MBD3L4: variants seen among roughly 807,000 people sequenced by gnomAD.
The protein encoded by MBD3L4 is methyl-CpG binding domain protein 3 like 4.
At position 7,037,886 on chromosome 19, in the gene MBD3L4, T is replaced by G. The variant is rs1305842599; in HGVS notation, c.602A>C (p.Gln201Pro). Reference sequence around the variant, plus strand: ...TCATCTACATGTCAGCATTTCTGCCTGCCTGGCCAGCCTGTCTGCCTGCAA... The same window carrying G: ...TCATCTACATGTCAGCATTTCTGCCGGCCTGGCCAGCCTGTCTGCCTGCAA... ...KALQADRLAR[Q>P]AEMLTCR is the part of the protein sequence containing the mutation. Residue 201 changes from glutamine (Q) to proline (P), a missense_variant, in exon 2 of 2, where the codon CAG (glutamine) becomes CCG (proline). Transcript: ENST00000381394. 3.5e-6 allele frequency: 2 copies of G among 567,666 alleles called. No homozygotes were observed. Among genetic ancestry groups the G allele is most frequent in the African/African-American group, 5.4e-5 (2 of 36,814 alleles). 35.2% of individuals were successfully genotyped at this position (567,666 alleles called of 1,614,324 possible).
intron 1 of MBD3L4, 27 bp from the exon 2 acceptor site, chr19:7,038,469 T>G (rs2145136900): frequency 6.2e-6 from 1 of 160,652 alleles, no homozygotes; most frequent in Non-Finnish European, 1.0e-5. Flanking sequence ...AAAGAAAATG[T>G]GAAATTTCAA....
At chr19:7,039,888 T>TA (rs1287110036) in intron 1 of MBD3L4, among the ~76,000 whole-genome samples, 1 of 25,298 alleles carries the variant, frequency 4.0e-5, no homozygotes, top group Admixed American at 5.7e-4. Flanking sequence ...GTTGGATTTT[T>TA]AAAAAAAAAT....
intron 1 of MBD3L4, among the ~76,000 whole-genome samples, chr19:7,039,753 A>AT (rs532165286): frequency 0.3 from 6,324 of 21,364 alleles, 73 homozygotes; most frequent in South Asian, 0.42. Context: ...CAGAGAACTA[A>AT]TTTTTTTTGT....
chr19:7,038,141 C>T lies in MBD3L4; in HGVS notation c.347G>A (p.Ser116Asn), dbSNP rs1976956282. The T allele has an allele frequency of 3.4e-6, 1 of 291,724 alleles. No individual in the cohort carries two copies. Among genetic ancestry groups the T allele is most frequent in the Non-Finnish European group, 5.7e-6 (1 of 174,892 alleles). 18.1% of individuals were successfully genotyped at this position (291,724 alleles called of 1,614,324 possible). ...SSPLHLESVL[S>N]ILAPGTAGES... ...ACCGGCCGTCCCCGGTGCAAGGATA[C>T]TTAAGACGCTCTCCAAATGCAGTGG... Residue 116 changes from serine (S) to asparagine (N), a missense_variant, in exon 2 of 2, where the codon AGT becomes AAT. By Grantham distance (46) the Ser-to-Asn change is conservative. Coordinates refer to ENST00000381394, the MANE Select transcript of MBD3L4 (RefSeq NM_001164419.3).
Position 7,037,836 on chromosome 19 carries a change from G to C in MBD3L4, c.*25C>G, listed in dbSNP as rs1976951983. 3 of 531,866 alleles carry C rather than the reference G, an allele frequency of 5.6e-6. No individual in the cohort carries two copies. Among genetic ancestry groups the C allele is most frequent in the Admixed American group, 6.6e-5 (2 of 30,110 alleles). 32.9% of individuals were successfully genotyped at this position (531,866 alleles called of 1,614,324 possible). On this transcript the variant is annotated 3_prime_UTR_variant, in exon 2 of 2. Transcript: ENST00000381394. ...GAATGAGGATGGGCATTAAAAGAAA[G>C]GGACCGAAAGCCCAGGACTGCGCTT...
Position 7,040,122 on chromosome 19 carries a change from G to GAGGTGAACGCAGGCTCTCCCAT in MBD3L4, c.1_22dup (p.Ser8TyrfsTer69). ...CACCAGAACAGGTGGGCTCGGAAAA[G>GAGGTGAACGCAGGCTCTCCCAT]AGGTGAACGCAGGCTCTCCCATAGC... On this transcript the variant is annotated frameshift_variant, in exon 1 of 2. Transcript: ENST00000381394. LOFTEE classifies it low-confidence loss of function (END_TRUNC). The GAGGTGAACGCAGGCTCTCCCAT allele has an allele frequency of 2.4e-6, 1 of 410,546 alleles. No homozygotes were observed. Among genetic ancestry groups the GAGGTGAACGCAGGCTCTCCCAT allele is most frequent in the Middle Eastern group, 6.1e-4 (1 of 1,640 alleles). The allele number at this position is 410,546 out of a possible 1,614,324, so 25.4% of individuals were successfully genotyped here. A position where few individuals can be genotyped will look rare whatever the true frequency, so the allele number is the denominator to read the frequency against.
chr19:7,040,154 GT>G lies in MBD3L4; in HGVS notation c.-11del. On this transcript the variant is annotated 5_prime_UTR_variant, in exon 1 of 2. Transcript: ENST00000381394. ...ACGCAGGCTCTCCCATAGCCGTAGA[GT>G]TTCTCTTGCTGACCCCACTCTTGAG... The G allele has an allele frequency of 2.4e-6, 1 of 419,352 alleles. No individual in the cohort carries two copies. The highest frequency in any genetic ancestry group is 4.6e-6 in the Non-Finnish European group (1 of 218,906). The allele number at this position is 419,352 out of a possible 1,614,324, so 26.0% of individuals were successfully genotyped here.
At chr19:7,039,755 T>TTTTTTTTG (rs1452138810) in intron 1 of MBD3L4, among the ~76,000 whole-genome samples, 1 of 25,506 alleles carries the variant, frequency 3.9e-5, no homozygotes. Flanking sequence ...GAGAACTAAT[T>TTTTTTTTG]TTTTTTGTTT....
chr19:7,040,000 C>G (rs1976961428), intron 1 of MBD3L4, 100 bp downstream of exon 1: 3 of 603,972 alleles, frequency 5.0e-6, no homozygotes, highest in Non-Finnish European at 9.4e-6. Context: ...CCACAACATC[C>G]AGTTTTAAGA....
At position 7,037,785 on chromosome 19, in the gene MBD3L4, G is replaced by A. The variant is rs943921033; in HGVS notation, c.*76C>T. 2.7e-6 allele frequency: 1 copy of A among 375,638 alleles called. No individual in the cohort carries two copies. The highest frequency in any genetic ancestry group is 4.7e-6 in the Non-Finnish European group (1 of 214,096). The allele number at this position is 375,638 out of a possible 1,614,324, so 23.3% of individuals were successfully genotyped here. A position where few individuals can be genotyped will look rare whatever the true frequency, so the allele number is the denominator to read the frequency against. ...CTTTTATTAAAGAACTGGTGGGGAA[G>A]GGAAAAGTGTGACAATTCAGAGTAG... On this transcript the variant is annotated 3_prime_UTR_variant, in exon 2 of 2. Transcript: ENST00000381394.
intron 1 of MBD3L4, 107 bp downstream of exon 1, chr19:7,039,992 AC>A: frequency 1.7e-6 from 1 of 604,686 alleles, no homozygotes; most frequent in Non-Finnish European, 3.1e-6. Flanking sequence ...ATCACTTTCC[AC>A]AACATCCAGT....
chr19:7,038,439 TC>T lies in MBD3L4; in HGVS notation c.48del (p.Lys17SerfsTer6). On this transcript the variant is annotated frameshift_variant and splice_region_variant, in exon 2 of 2. Coordinates refer to ENST00000381394, the MANE Select transcript of MBD3L4 (RefSeq NM_001164419.3). LOFTEE classifies it low-confidence loss of function (END_TRUNC). ...CAGGGCATCATGTTTCTTTTGAGCT[TC>T]CCCTTTCAAAAGAAAAGAAAAGAAA... is the stretch of plus-strand genomic sequence containing the variant. ...FTSFPSPPVL[G>X]KLKRNMMPWA... is the part of the protein sequence containing the mutation. 21 of 127,922 alleles carry T rather than the reference TC, an allele frequency of 1.6e-4. No individual in the cohort carries two copies. The East Asian group carries it at 3.0e-3, about 19-fold the overall frequency. The allele number at this position is 127,922 out of a possible 1,614,324, so 7.9% of individuals were successfully genotyped here.
intron 1 of MBD3L4, 21 bp downstream of exon 1, chr19:7,040,079 C>G (rs1199408346): frequency 5.3e-6 from 3 of 562,650 alleles, no homozygotes; most frequent in Non-Finnish European, 6.7e-6. Context: ...TTCCTGTAAT[C>G]AATAAATATC....
Position 7,038,037 on chromosome 19 carries a change from CT to C in MBD3L4, c.450del (p.Pro153GlnfsTer18), listed in dbSNP as rs1434055832. 2 of 156,074 alleles carry C rather than the reference CT, an allele frequency of 1.3e-5. 1 individual carries two copies. Among genetic ancestry groups the C allele is most frequent in the Non-Finnish European group, 2.0e-5 (2 of 102,244 alleles). The allele number at this position is 156,074 out of a possible 1,614,324, so 9.7% of individuals were successfully genotyped here. ...EPTPGRFPAV[A>X]GGPTPGMGCQ... ...CAACCCATTCCTGGGGTTGGCCCCC[CT>C]GCCACAGCTGGAAACCGCCCAGGGG... On this transcript the variant is annotated frameshift_variant, in exon 2 of 2. Coordinates refer to ENST00000381394, the MANE Select transcript of MBD3L4 (RefSeq NM_001164419.3). LOFTEE classifies it low-confidence loss of function (END_TRUNC).
Position 7,037,767 on chromosome 19 carries a change from T to TAA in MBD3L4, c.*92_*93dup. The TAA allele has an allele frequency of 3.0e-6, 1 of 337,758 alleles. No homozygotes were observed. The highest frequency in any genetic ancestry group is 6.8e-5 in the East Asian group (1 of 14,792). The allele number at this position is 337,758 out of a possible 1,614,324, so 20.9% of individuals were successfully genotyped here. A position where few individuals can be genotyped will look rare whatever the true frequency, so the allele number is the denominator to read the frequency against. On this transcript the variant is annotated 3_prime_UTR_variant, in exon 2 of 2. Transcript: ENST00000381394. ...CCTGTTGCCTTTCAAATACTTTTAT[T>TAA]AAAGAACTGGTGGGGAAGGGAAAAG...
At chr19:7,040,034 CTG>C (rs1216133447) in intron 1 of MBD3L4, 64 bp downstream of exon 1, 38 of 599,382 alleles carry the variant, frequency 6.3e-5, no homozygotes, top group Admixed American at 3.8e-4. Context: ...AACTGTAAAG[CTG>C]TCTTACAGAA....
rs1480725235 is a variant in MBD3L4 at position 7,037,855 on chromosome 19, T to C, written c.*6A>G. The C allele has an allele frequency of 1.8e-6, 1 of 569,260 alleles. No individual in the cohort carries two copies. Among genetic ancestry groups the C allele is most frequent in the African/African-American group, 2.6e-5 (1 of 38,354 alleles). 35.3% of individuals were successfully genotyped at this position (569,260 alleles called of 1,614,324 possible). A position where few individuals can be genotyped will look rare whatever the true frequency, so the allele number is the denominator to read the frequency against. ...AAGAAAGGGACCGAAAGCCCAGGAC[T>C]GCGCTTCATCTACATGTCAGCATTT... On this transcript the variant is annotated 3_prime_UTR_variant, in exon 2 of 2. Transcript: ENST00000381394.
At chr19:7,040,075 T>G in intron 1 of MBD3L4, 25 bp downstream of exon 1, 2 of 565,436 alleles carry the variant, frequency 3.5e-6, no homozygotes, top group Non-Finnish European at 6.7e-6. Context: ...GACATTCCTG[T>G]AATCAATAAA....
At chr19:7,039,976 T>C in intron 1 of MBD3L4, 124 bp downstream of exon 1, 2 of 601,978 alleles carry the variant, frequency 3.3e-6, no homozygotes, top group South Asian at 1.7e-5. Flanking sequence ...TATTACCACC[T>C]GAGGTATCAC....
Sources: allele counts gnomAD v4.1 joint callset (sites outside exome capture counted in the v4.1 genomes callset), GRCh38; gene constraint gnomAD v4.1.1; transcripts MANE v1.5; gene names NCBI Gene and HGNC (gene_info 2026-07-23, HGNC 2026-07-21).